The following BCKDHB variants were observed in gnomAD, a reference collection of about 807,000 sequenced individuals.
BCKDHB encodes the protein branched chain keto acid dehydrogenase E1 subunit beta, also known as 2-oxoisovalerate dehydrogenase subunit beta, mitochondrial.
Under a neutral mutation model 48.5 loss-of-function variants are expected in BCKDHB, and 41 were observed. That is an observed-to-expected ratio of 0.85 (90% CI 0.66 to 1.10). BCKDHB has a LOEUF of 1.10. Among genes scored for constraint, BCKDHB ranks in the 50% least tolerant of loss-of-function variants. The probability of loss-of-function intolerance (pLI) is 0.00; values close to 1 mark genes in which losing one functional copy is unlikely to be tolerated. For missense variants in BCKDHB, 496 were observed against 494.2 expected (o/e 1.00, Z -0.03); for synonymous variants, 201 against 174.8 (o/e 1.15, Z -1.18).
the BCKDHB span, chr6:80,454,334 G>A: frequency 3.9e-5 from 6 of 152,192 alleles, no homozygotes; most frequent in African/African-American, 1.4e-4. Flanking sequence ...CTTCCACAAA[G>A]GGTGTTTCTG....
At chr6:80,229,478 G>A (rs573277070) in intron 8 of BCKDHB, among the ~76,000 whole-genome samples, 6 of 152,202 alleles carry the variant, frequency 3.9e-5, no homozygotes, top group South Asian at 2.1e-4. Context: ...GGTTGTAGTC[G>A]GGTAAGCAAA....
intron 3 of BCKDHB, among the ~76,000 whole-genome samples, chr6:80,151,596 G>A (rs1361430706): frequency 6.6e-6 from 1 of 152,004 alleles, no homozygotes; most frequent in Admixed American, 6.6e-5. Flanking sequence ...TTATTTTCAG[G>A]TTAAAACTGA....
chr6:80,408,205 G>A, the BCKDHB span, among the ~76,000 whole-genome samples: 1 of 152,064 alleles, frequency 6.6e-6, no homozygotes, highest in Non-Finnish European at 1.5e-5. Flanking sequence ...GTATGAAGCT[G>A]AGTTGATTGT....
chr6:80,188,547 G>T (rs1207124724), intron 6 of BCKDHB, among the ~76,000 whole-genome samples: 1 of 152,070 alleles, frequency 6.6e-6, no homozygotes, highest in African/African-American at 2.4e-5. Flanking sequence ...GTTGAGATGG[G>T]AAGATCACTC....
intron 3 of BCKDHB, among the ~76,000 whole-genome samples, chr6:80,144,379 T>C (rs747684135): frequency 3.5e-4 from 53 of 152,308 alleles, no homozygotes; most frequent in Middle Eastern, 3.4e-3. Flanking sequence ...TTTTATAGTA[T>C]ACAATATGTC....
At chr6:80,109,306 A>G (rs1769295632) in intron 1 of BCKDHB, among the ~76,000 whole-genome samples, 1 of 152,246 alleles carries the variant, frequency 6.6e-6, no homozygotes, top group Non-Finnish European at 1.5e-5. Context: ...GACAACTGAG[A>G]ATCAAGCATT....
chr6:80,414,714 A>G, the BCKDHB span, among the ~76,000 whole-genome samples: 10 of 152,014 alleles, frequency 6.6e-5, no homozygotes, highest in African/African-American at 2.2e-4. Context: ...GTTCTTTTTG[A>G]TTAGGATTGA....
chr6:80,229,889 A>G (rs1164568770), intron 8 of BCKDHB, among the ~76,000 whole-genome samples: 1 of 152,062 alleles, frequency 6.6e-6, no homozygotes, highest in Non-Finnish European at 1.5e-5. Context: ...CAGTGGATAC[A>G]TAAAGAAAAG....
intron 7 of BCKDHB, among the ~76,000 whole-genome samples, chr6:80,202,374 T>G (rs1489055754): frequency 6.6e-6 from 1 of 152,188 alleles, no homozygotes; most frequent in Non-Finnish European, 1.5e-5. Context: ...TCTTCACTAT[T>G]TAAAGATTCC....
At chr6:80,204,360 T>A (rs910383209) in intron 8 of BCKDHB, among the ~76,000 whole-genome samples, 10 of 152,164 alleles carry the variant, frequency 6.6e-5, no homozygotes, top group African/African-American at 4.8e-5. Flanking sequence ...TATTTGTAGT[T>A]GCTGTAATTA....
chr6:80,225,335 G>T (rs1582394290), intron 8 of BCKDHB, among the ~76,000 whole-genome samples: 1 of 152,150 alleles, frequency 6.6e-6, no homozygotes, highest in East Asian at 1.9e-4. Flanking sequence ...TACCTGAAAA[G>T]ATAGTTTCTT....
Position 80,125,667 on chromosome 6 carries a change from A to T in BCKDHB, c.197-1880A>T, listed in dbSNP as rs542609309. On this transcript the variant is annotated intron_variant, in intron 1 of 9. Coordinates refer to ENST00000320393, the MANE Select transcript of BCKDHB (RefSeq NM_183050.4). ...TCTCAGGGAATAGGGAAGCCTGAAG[A>T]AAGGGAGAGATAAAGGAGAATGACT... 1.6e-3 allele frequency among the ~76,000 whole-genome samples: 238 copies of T among 152,310 alleles called. 1 individual carries two copies. Among genetic ancestry groups the T allele is most frequent in the South Asian group, 3.7e-3 (18 of 4,826 alleles).
the BCKDHB span, among the ~76,000 whole-genome samples, chr6:80,461,547 C>T: frequency 6.6e-6 from 1 of 152,120 alleles, no homozygotes; most frequent in Admixed American, 6.6e-5. Context: ...AAACTCTCCC[C>T]AAATTTGCTA....
intron 9 of BCKDHB, among the ~76,000 whole-genome samples, chr6:80,283,112 T>G (rs606319): frequency 0.8 from 121,342 of 151,976 alleles, 48,614 homozygotes; most frequent in Admixed American, 0.87. Context: ...GTCTTCTACA[T>G]GTATGGCATA....
At chr6:80,449,104 C>G in the BCKDHB span, among the ~76,000 whole-genome samples, 1 of 152,150 alleles carries the variant, frequency 6.6e-6, no homozygotes, top group Admixed American at 6.6e-5. Context: ...TTGCTTGAAT[C>G]AGGATCCCAT....
chr6:80,382,394 G>A, the BCKDHB span, among the ~76,000 whole-genome samples: 2 of 152,034 alleles, frequency 1.3e-5, no homozygotes, highest in African/African-American at 4.8e-5. Flanking sequence ...TGGAGCCAAA[G>A]GTTATCTTCA....
At chr6:80,423,039 T>C in the BCKDHB span, among the ~76,000 whole-genome samples, 1 of 152,284 alleles carries the variant, frequency 6.6e-6, no homozygotes, top group East Asian at 1.9e-4. Flanking sequence ...CACCCAAAAT[T>C]ATAATCCAAT....
rs752514603 is a variant in BCKDHB, at chr6:80,127,604, T to G, written c.254T>G (p.Leu85Trp). 3 of 1,613,190 alleles carry G rather than the reference T, an allele frequency of 1.9e-6. No homozygotes were observed. The Admixed American group carries it at 5.0e-5, about 27-fold the overall frequency. ...GTAACAAGTGCCTTGGATAACTCAT[T>G]GGCCAAAGATCCTACTGCAGGTAAC... is the stretch of plus-strand genomic sequence containing the variant. Reference protein sequence around the residue: ...QSVTSALDNSLAKDPTAVIFG... With the variant: ...QSVTSALDNSWAKDPTAVIFG... Residue 85 changes from leucine to tryptophan, a missense_variant, in exon 2 of 10, where the codon TTG becomes TGG. Transcript: ENST00000320393.
At position 80,189,926 on chromosome 6, in the gene BCKDHB, G is replaced by C. The variant is rs542373309; in HGVS notation, c.743-11008G>C. ...GCACTGAATATAGCTAGGGTATGAA[G>C]TGATTAATATTGGACTACAAATAAT... On this transcript the variant is annotated intron_variant, in intron 6 of 9. Coordinates refer to ENST00000320393, the MANE Select transcript of BCKDHB (RefSeq NM_183050.4). Among the ~76,000 whole-genome samples the C allele has an allele frequency of 3.3e-5, 5 of 152,238 alleles. No homozygotes were observed. In the East Asian group the frequency reaches 9.6e-4, roughly 29 times the overall value.
Sources: gnomAD v4.1 joint callset for allele counts (sites outside exome capture counted in the v4.1 genomes callset) on GRCh38, gnomAD v4.1.1 for gene constraint, MANE v1.5 for transcripts, NCBI Gene and HGNC (gene_info 2026-07-23, HGNC 2026-07-21) for gene names.